The following RAP1GAP2 variants were observed in gnomAD, a reference collection of about 807,000 sequenced individuals.
The protein encoded by RAP1GAP2 is rap1 GTPase-activating protein 2.
Under a neutral mutation model 95.0 loss-of-function variants are expected in RAP1GAP2, and 27 were observed. The observed-to-expected ratio is 0.28, with a 90% CI of 0.21 to 0.39. RAP1GAP2 has a LOEUF of 0.39. RAP1GAP2 is among the 10% of genes least tolerant of loss of function. RAP1GAP2 has a pLI of 1.00. For missense variants in RAP1GAP2, 771 were observed against 970.0 expected, an observed-to-expected ratio of 0.79 and a Z score of 2.72; for synonymous variants, 373 against 380.9, an observed-to-expected ratio of 0.98 and a Z score of 0.24.
intron 2 of RAP1GAP2, among the ~76,000 whole-genome samples, chr17:2,828,928 C>T (rs188602829): frequency 3.3e-5 from 5 of 151,428 alleles, no homozygotes; most frequent in Non-Finnish European, 1.5e-5. Context: ...CTCTTCTCCT[C>T]CCTCTCTCAT....
intron 2 of RAP1GAP2, among the ~76,000 whole-genome samples, chr17:2,822,635 T>G (rs75542831): frequency 0.012 from 1,569 of 134,080 alleles, 16 homozygotes; most frequent in African/African-American, 0.035. Flanking sequence ...TTGTTTTTTT[T>G]TTTTTTTTTT....
intron 2 of RAP1GAP2, among the ~76,000 whole-genome samples, chr17:2,884,224 A>G (rs186392614): frequency 1.3e-5 from 2 of 152,220 alleles, no homozygotes; most frequent in African/African-American, 2.4e-5. Context: ...AGGCTTTGCT[A>G]TGGGGCTGAG....
chr17:2,925,830 G>T (rs1175208752), intron 3 of RAP1GAP2, among the ~76,000 whole-genome samples: 1 of 152,118 alleles, frequency 6.6e-6, no homozygotes, highest in African/African-American at 2.4e-5. Context: ...GTCAGCGTGG[G>T]TCCGGGCCGG....
chr17:2,833,562 C>T (rs2070997557), intron 2 of RAP1GAP2, among the ~76,000 whole-genome samples: 1 of 151,630 alleles, frequency 6.6e-6, no homozygotes, highest in African/African-American at 2.4e-5. Context: ...TGTTGGCGGG[C>T]GCCTGTAGTC....
chr17:2,839,266 C>T (rs764659771), intron 2 of RAP1GAP2, among the ~76,000 whole-genome samples: 2 of 151,584 alleles, frequency 1.3e-5, no homozygotes, highest in Admixed American at 6.6e-5. Flanking sequence ...GCCGAGGTCA[C>T]GCCACTGCAC....
intron 3 of RAP1GAP2, among the ~76,000 whole-genome samples, chr17:2,922,826 GTTTTTGTTTTTTT>G (rs1465644323): frequency 1.1e-5 from 1 of 93,728 alleles, no homozygotes; most frequent in African/African-American, 6.5e-5. Flanking sequence ...TTTTCTTTTT[GTTTTTGTTTTTTT>G]TTTTTTTTTT....
At position 2,856,303 on chromosome 17, in the gene RAP1GAP2, G is replaced by A. The variant is rs79909858; in HGVS notation, c.81-48981G>A. Among the ~76,000 whole-genome samples the A allele has an allele frequency of 1.4e-4, 22 of 152,300 alleles. No individual in the cohort carries two copies. In the East Asian group the frequency reaches 4.1e-3, roughly 28 times the overall value. Reference sequence around the variant, plus strand: ...AGAGGAAAAGCCCCCTGCACAGAGAGCGAGAAGTTCTCTTCCTGGCTCATC... The same window carrying A: ...AGAGGAAAAGCCCCCTGCACAGAGAACGAGAAGTTCTCTTCCTGGCTCATC... On this transcript the variant is annotated intron_variant, in intron 2 of 24. Transcript: ENST00000254695.
intron 2 of RAP1GAP2, among the ~76,000 whole-genome samples, chr17:2,849,267 C>T (rs901019865): frequency 6.6e-6 from 1 of 152,142 alleles, no homozygotes; most frequent in Non-Finnish European, 1.5e-5. Flanking sequence ...TGCTCCATGG[C>T]CCCCCTCGCC....
In RAP1GAP2 at chr17:2,857,787, C is replaced by T. The variant is rs189244741; in HGVS notation, c.81-47497C>T. On this transcript the variant is annotated intron_variant, in intron 2 of 24. Coordinates refer to ENST00000254695, the MANE Select transcript of RAP1GAP2 (RefSeq NM_015085.5). This position sits in a 1 kb window ranked among gnomAD's most constrained non-coding sequence, Gnocchi z 4.0. ...CAGCTTTGCTGGGAAGGACGGAGGC[C>T]GAGGAACACGATCAAAATATGTACG... 2.0e-5 allele frequency among the ~76,000 whole-genome samples: 3 copies of T among 152,220 alleles called. No homozygotes were observed. The highest frequency in any genetic ancestry group is 2.9e-5 in the Non-Finnish European group (2 of 68,018).
chr17:2,868,433 T>C (rs2072705782), intron 2 of RAP1GAP2, among the ~76,000 whole-genome samples: 1 of 152,220 alleles, frequency 6.6e-6, no homozygotes, highest in South Asian at 2.1e-4. Context: ...GGCTTTCCCA[T>C]GTGTGAAATG....
At chr17:2,850,518 A>T (rs1432308424) in intron 2 of RAP1GAP2, among the ~76,000 whole-genome samples, 1 of 149,098 alleles carries the variant, frequency 6.7e-6, no homozygotes, top group Non-Finnish European at 1.5e-5. Flanking sequence ...GGAGGCCAAG[A>T]TGGGCGGATC....
chr17:2,881,506 T>G (rs1180818685), intron 2 of RAP1GAP2, among the ~76,000 whole-genome samples: 2 of 152,212 alleles, frequency 1.3e-5, no homozygotes, highest in Non-Finnish European at 2.9e-5. Context: ...TTGAATAATG[T>G]TCCTTTGTGT....
intron 1 of RAP1GAP2, among the ~76,000 whole-genome samples, chr17:2,763,638 A>G (rs527506325): frequency 4.5e-4 from 68 of 151,860 alleles, no homozygotes; most frequent in African/African-American, 1.5e-3. Flanking sequence ...GGAGGTTGCA[A>G]TGAGCCGAGA....
In RAP1GAP2 at chr17:2,906,558, A is replaced by G. The variant is rs62089742; in HGVS notation, c.165+1190A>G. ...CCCAGAGGGCAGTGGAAGCCAGACC[A>G]CCTTCACTAGCCTAGTGCCTGCCCC... On this transcript the variant is annotated intron_variant, in intron 3 of 24. Coordinates refer to ENST00000254695, the MANE Select transcript of RAP1GAP2 (RefSeq NM_015085.5). This position sits in a 1 kb window ranked among gnomAD's most constrained non-coding sequence, Gnocchi z 4.3. 0.023 allele frequency among the ~76,000 whole-genome samples: 3,558 copies of G among 151,848 alleles called. 123 individuals carry two copies. Among genetic ancestry groups the G allele is most frequent in the Admixed American group, 0.11 (1,639 of 15,228 alleles).
At chr17:2,909,144 A>G (rs1040637474) in intron 3 of RAP1GAP2, among the ~76,000 whole-genome samples, 3 of 152,082 alleles carry the variant, frequency 2.0e-5, no homozygotes, top group Non-Finnish European at 4.4e-5. Flanking sequence ...CAGGGAGAGG[A>G]TAGAGCAGGA....
At chr17:2,998,071 A>T in intron 13 of RAP1GAP2, 150 bp from the exon 14 acceptor site, 1 of 839,992 alleles carries the variant, frequency 1.2e-6, no homozygotes, top group Non-Finnish European at 1.9e-6. Context: ...CTGTGCTTTC[A>T]TACTTAAACT....
intron 1 of RAP1GAP2, among the ~76,000 whole-genome samples, chr17:2,779,798 TG>T (rs35665851): frequency 0.012 from 1,070 of 92,200 alleles, 7 homozygotes; most frequent in East Asian, 0.039. Context: ...GGCAGGGGGC[TG>T]GGGGGGGGCA....
intron 1 of RAP1GAP2, among the ~76,000 whole-genome samples, chr17:2,763,244 G>A (rs1253427400): frequency 6.6e-6 from 1 of 152,192 alleles, no homozygotes; most frequent in Non-Finnish European, 1.5e-5. Context: ...TGTTCTTGCT[G>A]TGATTTTTAC....
Position 2,882,347 on chromosome 17 carries a change from A to G in RAP1GAP2, c.81-22937A>G, listed in dbSNP as rs535625027. Among the ~76,000 whole-genome samples the G allele has an allele frequency of 2.2e-4, 32 of 147,698 alleles. No individual in the cohort carries two copies. In the East Asian group the frequency reaches 6.5e-3, roughly 30 times the overall value. On this transcript the variant is annotated intron_variant, in intron 2 of 24. Coordinates refer to ENST00000254695, the MANE Select transcript of RAP1GAP2 (RefSeq NM_015085.5). ...ACTCTTGTCCCCCAGGGTGGAGTGC[A>G]GTGGCACAATCTCAACTCACTGCAG...
Sources: gnomAD v4.1 joint callset for allele counts (sites outside exome capture counted in the v4.1 genomes callset) on GRCh38, gnomAD v4.1.1 for gene constraint, Gnocchi (gnomAD v3.1) non-coding constraint, MANE v1.5 for transcripts, NCBI Gene and HGNC (gene_info 2026-07-23, HGNC 2026-07-21) for gene names.